SLC18A1: variants seen among roughly 807,000 people sequenced by gnomAD.
SLC18A1 encodes the protein solute carrier family 18 member A1.
In SLC18A1, 69 loss-of-function variants were observed where a neutral mutation model predicts 53.7. The observed-to-expected ratio is 1.28, with a 90% CI of 1.06 to 1.57. The LOEUF is 1.57. SLC18A1 is among the 40% of genes most tolerant of loss of function. The pLI is 0.00. For missense variants in SLC18A1, 932 were observed against 668.1 expected (o/e 1.40, Z -4.35); for synonymous variants, 320 against 248.1 (o/e 1.29, Z -2.72).
intron 4 of SLC18A1, among the ~76,000 whole-genome samples, chr8:20,175,166 C>T (rs1254526376): frequency 2.0e-5 from 3 of 152,164 alleles, no homozygotes; most frequent in Admixed American, 2.0e-4. Context: ...AAATATGGCT[C>T]TGTCCTGCCA....
intron 10 of SLC18A1, among the ~76,000 whole-genome samples, chr8:20,157,662 T>C (rs141336793): frequency 7.4e-4 from 112 of 152,290 alleles, no homozygotes; most frequent in African/African-American, 2.3e-3. Flanking sequence ...AAAAGATAAG[T>C]TTATCACTCA....
In SLC18A1 at chr8:20,159,449, A is replaced by G. The variant is rs149011537; in HGVS notation, c.1015+5420T>C. 4.0e-3 allele frequency among the ~76,000 whole-genome samples: 613 copies of G among 152,170 alleles called. 7 individuals are homozygous for G. Among genetic ancestry groups the G allele is most frequent in the African/African-American group, 0.014 (585 of 41,504 alleles). On this transcript the variant is annotated intron_variant, in intron 10 of 15. Coordinates refer to ENST00000276373, the MANE Select transcript of SLC18A1 (RefSeq NM_003053.4). ...CACATAGTAAAGAGAGCTCACTAAA[A>G]TACCAATTAGGCTAAAAGCAGGAGG...
At chr8:20,168,268 G>A (rs2072020835) in intron 8 of SLC18A1, among the ~76,000 whole-genome samples, 1 of 151,664 alleles carries the variant, frequency 6.6e-6, no homozygotes, top group African/African-American at 2.4e-5. Context: ...TCAAGAAGCT[G>A]AGGCAAGAGG....
At position 20,164,850 on chromosome 8, in the gene SLC18A1, G is replaced by A. The variant is rs1343035122; in HGVS notation, c.1015+19C>T. On this transcript the variant is annotated intron_variant, in intron 10 of 15. Coordinates refer to ENST00000276373, the MANE Select transcript of SLC18A1 (RefSeq NM_003053.4). Reference sequence around the variant, plus strand: ...CCTCCTCCTGCCAGGCCCTGAGCGGGGGTGCTGAGGTCACTTACCCAGCTG... The same window carrying A: ...CCTCCTCCTGCCAGGCCCTGAGCGGAGGTGCTGAGGTCACTTACCCAGCTG... The A allele has an allele frequency of 2.5e-6, 4 of 1,585,688 alleles. No individual in the cohort carries two copies. The highest frequency in any genetic ancestry group is 2.7e-5 in the African/African-American group (2 of 74,388).
At chr8:20,162,592 T>A (rs755024459) in intron 10 of SLC18A1, among the ~76,000 whole-genome samples, 20 of 152,232 alleles carry the variant, frequency 1.3e-4, no homozygotes, top group Non-Finnish European at 2.6e-4. Flanking sequence ...TCTAAGTTCT[T>A]CATTCCATGA....
In SLC18A1 at chr8:20,171,392, G is replaced by C. The variant is rs771042789; in HGVS notation, c.814+13C>G. ...TGGGCTGTCACCTGCTGGAGGCTCT[G>C]ATGGTGACTTACCTCCATCCAGTAG... On this transcript the variant is annotated intron_variant, in intron 7 of 15. Transcript: ENST00000276373. 1 of 1,609,416 alleles carries C rather than the reference G, an allele frequency of 6.2e-7. No homozygotes were observed. Among genetic ancestry groups the C allele is most frequent in the East Asian group, 2.2e-5 (1 of 44,858 alleles).
chr8:20,171,379 T>A (rs781244634), intron 7 of SLC18A1, 26 bp downstream of exon 7: 2 of 1,593,870 alleles, frequency 1.3e-6, no homozygotes, highest in Non-Finnish European at 1.7e-6. Flanking sequence ...GGCTGTCACC[T>A]GCTGGAGGCT....
intron 8 of SLC18A1, among the ~76,000 whole-genome samples, chr8:20,168,597 T>C (rs2072032357): frequency 6.6e-6 from 1 of 151,816 alleles, no homozygotes; most frequent in African/African-American, 2.4e-5. Context: ...GTATTTTTTT[T>C]GAGACAGAGT....
chr8:20,165,138 T>G (rs758887346), intron 8 of SLC18A1, 31 bp from the exon 9 acceptor site: 2 of 1,570,752 alleles, frequency 1.3e-6, no homozygotes, highest in Non-Finnish European at 1.8e-6. Context: ...AAATGTCCAT[T>G]TGTACAGTGC....
Position 20,165,249 on chromosome 8 carries a change from C to T in SLC18A1, c.859-142G>A, listed in dbSNP as rs75873840. 1,102 of 727,128 alleles carry T rather than the reference C, an allele frequency of 1.5e-3. 13 individuals carry two copies. The African/African-American group carries it at 0.018, about 12-fold the overall frequency. The allele number at this position is 727,128 out of a possible 1,614,324, so 45.0% of individuals were successfully genotyped here. A position where few individuals can be genotyped will look rare whatever the true frequency, so the allele number is the denominator to read the frequency against. On this transcript the variant is annotated intron_variant, in intron 8 of 15. Transcript: ENST00000276373. The stretch of plus-strand genomic sequence containing the variant: ...ACTGCAGAGACCAGGAACCCCAGTA[C>T]AGGGAGAGAAAGTGACTTGTCTGAT...
chr8:20,176,423 A>G (rs1050853351), intron 4 of SLC18A1, among the ~76,000 whole-genome samples: 2 of 152,272 alleles, frequency 1.3e-5, no homozygotes, highest in East Asian at 3.9e-4. Context: ...TCTAATATAA[A>G]TGACCCAGCC....
intron 6 of SLC18A1, 39 bp from the exon 7 acceptor site, chr8:20,171,533 G>T: frequency 6.7e-7 from 1 of 1,502,868 alleles, no homozygotes; most frequent in Non-Finnish European, 9.3e-7. Context: ...AGAGGTGAGG[G>T]TGAGTCCTTT....
At chr8:20,181,727 A>T (rs2072432762) in intron 1 of SLC18A1, 1 of 152,180 alleles carries the variant, frequency 6.6e-6, no homozygotes. Context: ...CTGCCCACTG[A>T]GAAACACTGA....
chr8:20,148,678 G>T (rs1295401617), intron 12 of SLC18A1, among the ~76,000 whole-genome samples: 2 of 152,048 alleles, frequency 1.3e-5, no homozygotes. Flanking sequence ...CTCTTTTTCA[G>T]GTTCCTTACC....
intron 6 of SLC18A1, among the ~76,000 whole-genome samples, chr8:20,172,370 T>C (rs565992148): frequency 6.6e-6 from 1 of 152,216 alleles, no homozygotes; most frequent in South Asian, 2.1e-4. Flanking sequence ...GGGGAAGAAA[T>C]TTCAGGTGTT....
At chr8:20,164,435 C>G (rs542984895) in intron 10 of SLC18A1, among the ~76,000 whole-genome samples, 62 of 152,236 alleles carry the variant, frequency 4.1e-4, no homozygotes, top group African/African-American at 1.4e-3. Flanking sequence ...TAATATTGTA[C>G]AGGGTACAAA....
chr8:20,169,650 G>A (rs1487287628), intron 8 of SLC18A1, among the ~76,000 whole-genome samples: 3 of 152,074 alleles, frequency 2.0e-5, no homozygotes, highest in African/African-American at 4.8e-5. Context: ...AGGCTGAGGC[G>A]GATGGATCAC....
chr8:20,149,217 G>A (rs764164927), intron 12 of SLC18A1, among the ~76,000 whole-genome samples: 3 of 152,138 alleles, frequency 2.0e-5, no homozygotes, highest in Non-Finnish European at 4.4e-5. Context: ...CTTCTATCAA[G>A]CCTCTGGTGC....
chr8:20,149,835 C>G, intron 11 of SLC18A1, 108 bp from the exon 12 acceptor site: 1 of 968,554 alleles, frequency 1.0e-6, no homozygotes, highest in Non-Finnish European at 1.6e-6. Context: ...CCCAGCAACC[C>G]CTTAGGACCT....
Sources: allele counts gnomAD v4.1 joint callset (sites outside exome capture counted in the v4.1 genomes callset), GRCh38; gene constraint gnomAD v4.1.1; transcripts MANE v1.5; gene names NCBI Gene and HGNC (gene_info 2026-07-23, HGNC 2026-07-21).